RYR2: variants seen among roughly 807,000 people sequenced by gnomAD.
RYR2 encodes ryanodine receptor 2.
Under a neutral mutation model 601.1 loss-of-function variants are expected in RYR2, and 227 were observed. The ratio of observed to expected loss-of-function variants is 0.38; its 90% CI spans 0.34 to 0.42. The LOEUF is 0.42. Ranked by LOEUF, RYR2 falls within the 10% of genes least tolerant of loss-of-function variation. RYR2 has a pLI of 1.00. For synonymous variants in RYR2, 2,223 were observed against 2,175.1 expected, an observed-to-expected ratio of 1.02 and a Z score of -0.61; for missense variants, 4,646 against 6,156.5, an observed-to-expected ratio of 0.75 and a Z score of 8.21.
intron 25 of RYR2, among the ~76,000 whole-genome samples, chr1:237,542,567 A>G (rs371402220): frequency 6.6e-6 from 1 of 152,092 alleles, no homozygotes; most frequent in African/African-American, 2.4e-5. Context: ...CTCTGCTGGC[A>G]TTTTACAGGA....
At chr1:237,568,930 T>C (rs1018327964) in intron 28 of RYR2, among the ~76,000 whole-genome samples, 32 of 152,078 alleles carry the variant, frequency 2.1e-4, no homozygotes, top group Non-Finnish European at 7.4e-5. Context: ...TTTCCCAAGA[T>C]TCGATAATAT....
At chr1:237,613,222 G>C (rs1012716796) in intron 36 of RYR2, among the ~76,000 whole-genome samples, 2 of 152,152 alleles carry the variant, frequency 1.3e-5, no homozygotes, top group Admixed American at 1.3e-4. Context: ...TGTGTACTTT[G>C]TTTCTCCTTA....
intron 79 of RYR2, 68 bp from the exon 80 acceptor site, chr1:237,742,228 T>A: frequency 9.8e-7 from 1 of 1,016,772 alleles, no homozygotes; most frequent in South Asian, 1.5e-5. Flanking sequence ...CTATGTCTAA[T>A]GTTCTTTTGC....
chr1:237,454,280 C>A (rs1658536195), intron 14 of RYR2, 111 bp from the exon 15 acceptor site: 1 of 1,089,462 alleles, frequency 9.2e-7, no homozygotes. Flanking sequence ...CTGACATGTC[C>A]CTTTTACAGT....
intron 85 of RYR2, among the ~76,000 whole-genome samples, chr1:237,771,368 C>T (rs922020360): frequency 3.3e-5 from 5 of 151,580 alleles, no homozygotes; most frequent in Admixed American, 2.0e-4. Context: ...CTGTGATTGC[C>T]CCACTGCACT....
chr1:237,478,951 A>T lies in RYR2; in HGVS notation c.1708+9764A>T, dbSNP rs569886871. 8.5e-5 allele frequency among the ~76,000 whole-genome samples: 13 copies of T among 152,308 alleles called. No homozygotes were observed. In the South Asian group the frequency reaches 2.7e-3, roughly 32 times the overall value. On this transcript the variant is annotated intron_variant, in intron 17 of 104. Transcript: ENST00000366574. ...AAGAAATAGAATAACTCTCTCATGTAAATAGGCAAGTTCAATTGTTGCAGA... is the reference window on the plus strand; with the variant it reads ...AAGAAATAGAATAACTCTCTCATGTTAATAGGCAAGTTCAATTGTTGCAGA...
chr1:237,489,549 C>T (rs956996325), intron 17 of RYR2, among the ~76,000 whole-genome samples: 1 of 152,120 alleles, frequency 6.6e-6, no homozygotes, highest in Non-Finnish European at 1.5e-5. Flanking sequence ...CCCAGCTACT[C>T]CAGAGGCTGA....
chr1:237,090,326 G>C (rs1440932597), intron 1 of RYR2, among the ~76,000 whole-genome samples: 1 of 152,210 alleles, frequency 6.6e-6, no homozygotes, highest in Non-Finnish European at 1.5e-5. Context: ...GGACTTTGCA[G>C]ATGTCATTAA....
At chr1:237,347,408 TC>T (rs1439098052) in intron 3 of RYR2, among the ~76,000 whole-genome samples, 1 of 152,342 alleles carries the variant, frequency 6.6e-6, no homozygotes, top group South Asian at 2.1e-4. Flanking sequence ...TCTTTCCCTT[TC>T]TACTTTCGGG....
chr1:237,517,136 A>C (rs1307343052), intron 24 of RYR2, among the ~76,000 whole-genome samples: 1 of 152,034 alleles, frequency 6.6e-6, no homozygotes, highest in Non-Finnish European at 1.5e-5. Context: ...TCCAGCCCTC[A>C]TGGTCTCTTC....
chr1:237,187,815 C>CAG (rs1180188494), intron 1 of RYR2, among the ~76,000 whole-genome samples: 1 of 152,060 alleles, frequency 6.6e-6, no homozygotes, highest in Non-Finnish European at 1.5e-5. Context: ...CTTCTGTGTC[C>CAG]AGAGATTATT....
intron 1 of RYR2, among the ~76,000 whole-genome samples, chr1:237,178,932 T>A (rs923058878): frequency 6.6e-6 from 1 of 152,212 alleles, no homozygotes; most frequent in Non-Finnish European, 1.5e-5. Flanking sequence ...TTTCAAAAAA[T>A]ATATAAACTA....
chr1:237,749,943 C>G (rs776805685), intron 80 of RYR2, among the ~76,000 whole-genome samples: 1 of 151,992 alleles, frequency 6.6e-6, no homozygotes. Flanking sequence ...GTCAGGAGTT[C>G]AAGACCAGCC....
intron 1 of RYR2, among the ~76,000 whole-genome samples, chr1:237,179,287 G>A (rs1678430999): frequency 1.3e-5 from 2 of 152,106 alleles, no homozygotes; most frequent in African/African-American, 4.8e-5. Context: ...TTAAAACCAT[G>A]ATCTGCTGAT....
Position 237,650,070 on chromosome 1 carries a change from T to C in RYR2, c.7706T>C (p.Ile2569Thr), listed in dbSNP as rs761497764. The C allele has an allele frequency of 1.2e-6, 2 of 1,614,008 alleles. No homozygotes were observed. Among genetic ancestry groups the C allele is most frequent in the Non-Finnish European group, 1.7e-6 (2 of 1,179,892 alleles). The change falls in exon 50 of 105, where the codon ATA becomes ACA. Residue 2569 changes from isoleucine (I) to threonine (T), a missense_variant. Ile to Thr is a moderately conservative substitution (Grantham distance 89). Coordinates refer to ENST00000366574, the MANE Select transcript of RYR2 (RefSeq NM_001035.3). ...CTTACCAAAGCTCAGCGGGATTCCA[T>C]AGAAGTTTGTTTACTCTCTATTTGT... ...CSLTKAQRDS[I>T]EVCLLSICGQ...
At chr1:237,621,096 A>G (rs1285395711) in intron 38 of RYR2, among the ~76,000 whole-genome samples, 1 of 152,202 alleles carries the variant, frequency 6.6e-6, no homozygotes, top group Non-Finnish European at 1.5e-5. Flanking sequence ...ATTAGAAAGC[A>G]GTAACAGAAA....
intron 24 of RYR2, among the ~76,000 whole-genome samples, chr1:237,523,285 C>T (rs1667266905): frequency 1.3e-5 from 2 of 152,154 alleles, no homozygotes; most frequent in African/African-American, 2.4e-5. Context: ...AATGAAGAGA[C>T]AGGCCACCAG....
chr1:237,532,020 A>T (rs1173267682), intron 25 of RYR2, among the ~76,000 whole-genome samples: 1 of 152,016 alleles, frequency 6.6e-6, no homozygotes, highest in African/African-American at 2.4e-5. Flanking sequence ...GTCTTTGAGT[A>T]CTCTATCCTA....
At chr1:237,499,475 A>AC (rs1254119552) in intron 20 of RYR2, among the ~76,000 whole-genome samples, 2 of 152,240 alleles carry the variant, frequency 1.3e-5, no homozygotes, top group East Asian at 3.8e-4. Flanking sequence ...ATATTTGATT[A>AC]TAATAGATAT....
Sources: allele counts gnomAD v4.1 joint callset (sites outside exome capture counted in the v4.1 genomes callset), GRCh38; gene constraint gnomAD v4.1.1; transcripts MANE v1.5; gene names NCBI Gene and HGNC (gene_info 2026-07-23, HGNC 2026-07-21).